Variants in TAFA1 observed in about 807,000 individuals in gnomAD.
The protein encoded by TAFA1 is TAFA chemokine like family member 1, also known as chemokine-like protein TAFA-1.
A neutral mutation model predicts 18.5 loss-of-function variants in TAFA1; 4 were observed. The ratio of observed to expected loss-of-function variants is 0.22; its 90% confidence interval spans 0.11 to 0.49. The LOEUF (loss-of-function observed/expected upper bound fraction) is 0.49. Ranked by LOEUF, TAFA1 falls within the 20% of genes least tolerant of loss-of-function variation. The pLI is 0.98. For missense variants in TAFA1, 147 were observed against 169.0 expected, an observed-to-expected ratio of 0.87 and a Z score of 0.72; for synonymous variants, 56 against 55.2, an observed-to-expected ratio of 1.01 and a Z score of -0.06.
In TAFA1 at chr3:68,121,177, C is replaced by T. The variant is rs76342045; in HGVS notation, c.118+114433C>T. Among the ~76,000 whole-genome samples the T allele has an allele frequency of 8.6e-5, 13 of 151,544 alleles. 1 individual carries two copies. The East Asian group carries it at 2.5e-3, about 29-fold the overall frequency. Reference sequence around the variant, plus strand: ...ATGTTTCAATGCAGGCTGAAAAATGCTTTTTTATAATGCATCTTATTCTAA... The same window carrying T: ...ATGTTTCAATGCAGGCTGAAAAATGTTTTTTTATAATGCATCTTATTCTAA... On this transcript the variant is annotated intron_variant, in intron 2 of 4. Transcript: ENST00000478136.
intron 2 of TAFA1, among the ~76,000 whole-genome samples, chr3:68,252,183 A>C (rs1243917527): frequency 6.6e-6 from 1 of 152,068 alleles, no homozygotes; most frequent in Non-Finnish European, 1.5e-5. Context: ...CCAATTAATT[A>C]TCTCTTATGA....
chr3:68,462,353 A>C (rs1354531174), intron 3 of TAFA1, among the ~76,000 whole-genome samples: 1 of 152,020 alleles, frequency 6.6e-6, no homozygotes, highest in Non-Finnish European at 1.5e-5. Context: ...TGCTGTTCTC[A>C]TGATAGTAAG....
intron 2 of TAFA1, among the ~76,000 whole-genome samples, chr3:68,159,961 A>G (rs2065906745): frequency 6.6e-6 from 1 of 152,244 alleles, no homozygotes; most frequent in South Asian, 2.1e-4. Context: ...TGGAATAAAA[A>G]GTCACTTTTC....
chr3:68,169,360 T>C (rs904412050), intron 2 of TAFA1, among the ~76,000 whole-genome samples: 4 of 152,236 alleles, frequency 2.6e-5, no homozygotes, highest in African/African-American at 9.6e-5. Context: ...AGCTCTGTGA[T>C]TGAATCACCT....
chr3:68,088,824 C>G (rs1251011379), intron 2 of TAFA1, among the ~76,000 whole-genome samples: 1 of 152,158 alleles, frequency 6.6e-6, no homozygotes, highest in African/African-American at 2.4e-5. Context: ...AGCTGGAAGG[C>G]TATTACTGTT....
At chr3:68,016,575 A>G (rs768174738) in intron 2 of TAFA1, among the ~76,000 whole-genome samples, 2 of 152,214 alleles carry the variant, frequency 1.3e-5, no homozygotes, top group Non-Finnish European at 2.9e-5. Flanking sequence ...AATAATCTAT[A>G]TCATATAGCC....
chr3:68,318,203 A>G (rs113102932), intron 2 of TAFA1, among the ~76,000 whole-genome samples: 4,897 of 152,280 alleles, frequency 0.032, 94 homozygotes, highest in Non-Finnish European at 0.05. Flanking sequence ...TGGTGATGAA[A>G]CCACCAATAC....
At chr3:68,479,534 C>T (rs2106651726) in intron 3 of TAFA1, among the ~76,000 whole-genome samples, 2 of 152,176 alleles carry the variant, frequency 1.3e-5, no homozygotes, top group Admixed American at 1.3e-4. Flanking sequence ...GTTGAACAGT[C>T]TCTTCCTGAT....
intron 2 of TAFA1, among the ~76,000 whole-genome samples, chr3:68,078,038 C>G (rs373158339): frequency 3.3e-5 from 5 of 151,498 alleles, no homozygotes; most frequent in African/African-American, 9.8e-5. Context: ...CCCTTGTAAG[C>G]TGGATTCCTA....
intron 3 of TAFA1, among the ~76,000 whole-genome samples, chr3:68,530,434 G>A (rs936180573): frequency 1.3e-5 from 2 of 152,160 alleles, no homozygotes; most frequent in African/African-American, 4.8e-5. Flanking sequence ...GATTAAAGAA[G>A]CTTTAGTGAT....
intron 2 of TAFA1, among the ~76,000 whole-genome samples, chr3:68,167,715 A>C (rs187089967): frequency 2.0e-5 from 3 of 152,288 alleles, no homozygotes; most frequent in Admixed American, 2.0e-4. Context: ...CCAGGGACAA[A>C]CAAGTTTGAG....
intron 3 of TAFA1, among the ~76,000 whole-genome samples, chr3:68,533,522 C>G (rs1483780337): frequency 6.6e-6 from 1 of 152,110 alleles, no homozygotes; most frequent in African/African-American, 2.4e-5. Context: ...TGAGTGATCA[C>G]TAAATCTACA....
intron 2 of TAFA1, among the ~76,000 whole-genome samples, chr3:68,202,763 A>G (rs1231943190): frequency 5.9e-5 from 9 of 151,708 alleles, no homozygotes; most frequent in Non-Finnish European, 1.0e-4. Flanking sequence ...TAAGTATTAG[A>G]TATCCTATAT....
chr3:68,053,104 T>C (rs2064491778), intron 2 of TAFA1, among the ~76,000 whole-genome samples: 2 of 152,184 alleles, frequency 1.3e-5, no homozygotes, highest in African/African-American at 4.8e-5. Flanking sequence ...TTAAACTTCA[T>C]CCAGCATTCT....
chr3:68,015,046 G>A (rs752979765), intron 2 of TAFA1, among the ~76,000 whole-genome samples: 2 of 152,014 alleles, frequency 1.3e-5, no homozygotes, highest in South Asian at 2.1e-4. Flanking sequence ...AGAGAGAAGC[G>A]AGGGAAGTGG....
intron 3 of TAFA1, among the ~76,000 whole-genome samples, chr3:68,483,604 A>G (rs2072276840): frequency 6.6e-6 from 1 of 152,182 alleles, no homozygotes; most frequent in Non-Finnish European, 1.5e-5. Context: ...AGAGAATGCT[A>G]GTTGCAATAA....
At chr3:68,516,107 T>C (rs755409490) in intron 3 of TAFA1, among the ~76,000 whole-genome samples, 3 of 152,250 alleles carry the variant, frequency 2.0e-5, no homozygotes, top group Non-Finnish European at 4.4e-5. Flanking sequence ...TATTTCATCT[T>C]TGAAATTCAT....
intron 2 of TAFA1, among the ~76,000 whole-genome samples, chr3:68,242,301 T>C (rs2067010095): frequency 6.6e-6 from 1 of 152,178 alleles, no homozygotes; most frequent in African/African-American, 2.4e-5. Flanking sequence ...CCAGAACTAA[T>C]AAAGTACTCA....
intron 2 of TAFA1, among the ~76,000 whole-genome samples, chr3:68,205,178 C>A (rs2066511623): frequency 6.6e-6 from 1 of 151,792 alleles, no homozygotes; most frequent in Non-Finnish European, 1.5e-5. Flanking sequence ...GGCATCACAC[C>A]TTTCCAGAGA....
Sources: allele counts gnomAD v4.1 joint callset (sites outside exome capture counted in the v4.1 genomes callset), GRCh38; gene constraint gnomAD v4.1.1; transcripts MANE v1.5; gene names NCBI Gene and HGNC (gene_info 2026-07-23, HGNC 2026-07-21).